CEP97: variants seen among roughly 807,000 people sequenced by gnomAD.
CEP97 encodes centrosomal protein 97.
CEP97 carries 43 observed loss-of-function variants against 73.1 expected under a neutral mutation model. The ratio of observed to expected loss-of-function variants is 0.59; its 90% confidence interval spans 0.46 to 0.76. The LOEUF (loss-of-function observed/expected upper bound fraction) is 0.76. Among genes scored for constraint, CEP97 ranks in the 30% least tolerant of loss-of-function variants. CEP97 has a pLI of 0.00. For synonymous variants in CEP97, 337 were observed against 370.0 expected, an observed-to-expected ratio of 0.91 and a Z score of 1.02; for missense variants, 939 against 1,014.0, an observed-to-expected ratio of 0.93 and a Z score of 1.00.
At chr3:101,754,415 G>A (rs1291109830) in intron 6 of CEP97, among the ~76,000 whole-genome samples, 1 of 152,054 alleles carries the variant, frequency 6.6e-6, no homozygotes, top group East Asian at 1.9e-4. Context: ...AATGAATTTT[G>A]TATCTTAGAA....
chr3:101,738,849 GAGAT>G (rs1468238022), intron 6 of CEP97, among the ~76,000 whole-genome samples: 1 of 152,146 alleles, frequency 6.6e-6, no homozygotes, highest in Non-Finnish European at 1.5e-5. Flanking sequence ...AGAACTGAAG[GAGAT>G]AGAGACACAA....
intron 6 of CEP97, among the ~76,000 whole-genome samples, chr3:101,746,124 A>G (rs1283675105): frequency 1.3e-5 from 2 of 152,170 alleles, no homozygotes; most frequent in Non-Finnish European, 2.9e-5. Flanking sequence ...CATGGTGTAT[A>G]TGTGCCACAT....
intron 6 of CEP97, among the ~76,000 whole-genome samples, chr3:101,748,129 CAAAAAAAAAAA>C (rs71625598): frequency 3.7e-5 from 2 of 53,898 alleles, no homozygotes; most frequent in African/African-American, 8.1e-5. Flanking sequence ...GACCTTGTCT[CAAAAAAAAAAA>C]AAAAAAAAAA....
chr3:101,746,213 C>T (rs1938609883), intron 6 of CEP97, among the ~76,000 whole-genome samples: 1 of 152,182 alleles, frequency 6.6e-6, no homozygotes, highest in South Asian at 2.1e-4. Flanking sequence ...CCACAATAAA[C>T]ATATGTGTGC....
At chr3:101,728,754 C>CTT (rs1365975842) in intron 3 of CEP97, 82 bp from the exon 4 acceptor site, 4 of 881,790 alleles carry the variant, frequency 4.5e-6, no homozygotes, top group Non-Finnish European at 5.7e-6. Context: ...GGAAGACACT[C>CTT]TTTCAGCTGC....
chr3:101,737,639 C>G (rs1371920844), intron 6 of CEP97, among the ~76,000 whole-genome samples: 2 of 152,146 alleles, frequency 1.3e-5, no homozygotes, highest in African/African-American at 4.8e-5. Flanking sequence ...CAAGCAAAGG[C>G]TGAGAGATTT....
chr3:101,732,047 A>C, intron 5 of CEP97, 94 bp downstream of exon 5: 1 of 735,138 alleles, frequency 1.4e-6, no homozygotes, highest in Non-Finnish European at 2.4e-6. Context: ...GACTGTGAGC[A>C]TCTTGGAAGA....
Position 101,731,962 on chromosome 3 carries a change from T to A in CEP97, c.561+9T>A, listed in dbSNP as rs1430627572. The A allele has an allele frequency of 1.4e-6, 2 of 1,477,856 alleles. No individual in the cohort carries two copies. Among genetic ancestry groups the A allele is most frequent in the South Asian group, 2.3e-5 (2 of 87,924 alleles). 91.5% of individuals were successfully genotyped at this position (1,477,856 alleles called of 1,614,324 possible). ...TCCGAGACTTAAATGAGGTAAAATT[T>A]GAGGGTATTTTGTGAGATTCAGGAA... On this transcript the variant is annotated intron_variant, in intron 5 of 10. Coordinates refer to ENST00000341893, the MANE Select transcript of CEP97 (RefSeq NM_024548.4).
chr3:101,729,963 CCTGG>C (rs1235853278), intron 4 of CEP97, among the ~76,000 whole-genome samples: 4 of 152,028 alleles, frequency 2.6e-5, no homozygotes, highest in Non-Finnish European at 4.4e-5. Flanking sequence ...CACCACCACA[CCTGG>C]CTAATTTTTT....
At chr3:101,743,353 T>C (rs1938513855) in intron 6 of CEP97, among the ~76,000 whole-genome samples, 1 of 152,038 alleles carries the variant, frequency 6.6e-6, no homozygotes, top group Admixed American at 6.6e-5. Flanking sequence ...ATTTTTTTTT[T>C]CCTGGTTATT....
At chr3:101,732,416 A>C in intron 5 of CEP97, 72 bp from the exon 6 acceptor site, 1 of 1,002,482 alleles carries the variant, frequency 1.0e-6, no homozygotes, top group East Asian at 2.4e-5. Flanking sequence ...TGCCAAAGAT[A>C]TGTAATCAGT....
intron 6 of CEP97, 120 bp downstream of exon 6, chr3:101,732,774 T>C (rs1217707098): frequency 2.6e-6 from 2 of 763,328 alleles, no homozygotes; most frequent in South Asian, 2.0e-5. Context: ...AGTGCAGTCA[T>C]GTAGCAGACT....
chr3:101,737,755 A>G (rs1032031109), intron 6 of CEP97, among the ~76,000 whole-genome samples: 5 of 152,248 alleles, frequency 3.3e-5, no homozygotes, highest in Admixed American at 2.6e-4. Flanking sequence ...TGTAAAGATC[A>G]TCAACACTAC....
At chr3:101,757,560 T>C in intron 8 of CEP97, 74 bp from the exon 9 acceptor site, 2 of 1,400,068 alleles carry the variant, frequency 1.4e-6, no homozygotes, top group Non-Finnish European at 1.9e-6. Flanking sequence ...TTTCAAGGAA[T>C]AGATTTCATT....
intron 6 of CEP97, among the ~76,000 whole-genome samples, chr3:101,746,540 A>G (rs2107162189): frequency 6.6e-6 from 1 of 150,968 alleles, no homozygotes; most frequent in East Asian, 1.9e-4. Flanking sequence ...AGATGGATTA[A>G]AGACTTAAAC....
intron 6 of CEP97, among the ~76,000 whole-genome samples, chr3:101,734,594 ATAG>A (rs1347139851): frequency 6.6e-6 from 1 of 152,196 alleles, no homozygotes; most frequent in Non-Finnish European, 1.5e-5. Flanking sequence ...CAAGAGCTAG[ATAG>A]TGGTGGTGCT....
intron 1 of CEP97, among the ~76,000 whole-genome samples, chr3:101,725,344 G>A (rs1413652587): frequency 6.6e-6 from 1 of 152,132 alleles, no homozygotes; most frequent in African/African-American, 2.4e-5. Context: ...CCTCTTTGGG[G>A]CGCCGGACGC....
At chr3:101,758,768 A>G (rs1333750795) in intron 9 of CEP97, 2 of 224,836 alleles carry the variant, frequency 8.9e-6, no homozygotes, top group South Asian at 8.1e-5. Context: ...TGAAGTCTAC[A>G]TGGAATTCAG....
At chr3:101,743,287 C>G (rs188361500) in intron 6 of CEP97, among the ~76,000 whole-genome samples, 42 of 151,322 alleles carry the variant, frequency 2.8e-4, no homozygotes, top group African/African-American at 9.4e-4. Context: ...TCCCTCTGGT[C>G]GTAACTCCCC....
Sources: allele counts gnomAD v4.1 joint callset (sites outside exome capture counted in the v4.1 genomes callset), GRCh38; gene constraint gnomAD v4.1.1; transcripts MANE v1.5; gene names NCBI Gene and HGNC (gene_info 2026-07-23, HGNC 2026-07-21).